The following NRXN1 variants were observed in gnomAD, a reference collection of about 807,000 sequenced individuals.
NRXN1 encodes neurexin-1.
Under a neutral mutation model 150.9 loss-of-function variants are expected in NRXN1, and 39 were observed. The ratio of observed to expected loss-of-function variants is 0.26; its 90% confidence interval spans 0.20 to 0.34. NRXN1 has a LOEUF of 0.34. NRXN1 is among the 10% of genes least tolerant of loss of function. The pLI, the probability that NRXN1 is intolerant of heterozygous loss-of-function variation, is 1.00. For missense variants in NRXN1, 1,815 were observed against 1,949.9 expected (o/e 0.93, Z 1.30); for synonymous variants, 924 against 757.0 (o/e 1.22, Z -3.62).
At chr2:50,315,484 A>G (rs1311175537) in intron 17 of NRXN1, among the ~76,000 whole-genome samples, 1 of 152,150 alleles carries the variant, frequency 6.6e-6, no homozygotes, top group African/African-American at 2.4e-5. Flanking sequence ...AGTTACATGG[A>G]AGATTACACA....
intron 8 of NRXN1, among the ~76,000 whole-genome samples, chr2:50,572,460 A>G (rs1355765844): frequency 2.6e-5 from 4 of 152,202 alleles, no homozygotes; most frequent in Admixed American, 2.6e-4. Context: ...TATTTAGCCC[A>G]TCTAATATAT....
At chr2:50,720,207 T>A (rs929055721) in intron 5 of NRXN1, among the ~76,000 whole-genome samples, 25 of 152,206 alleles carry the variant, frequency 1.6e-4, no homozygotes, top group African/African-American at 5.5e-4. Context: ...TTTTTTTTTT[T>A]AACCACATCT....
intron 5 of NRXN1, among the ~76,000 whole-genome samples, chr2:50,722,497 G>A (rs1696803021): frequency 6.6e-6 from 1 of 152,130 alleles, no homozygotes. Flanking sequence ...TTGGGGATAC[G>A]TTTCATATAC....
intron 18 of NRXN1, among the ~76,000 whole-genome samples, chr2:50,190,795 A>G (rs1559060619): frequency 6.6e-6 from 1 of 151,102 alleles, no homozygotes; most frequent in Non-Finnish European, 1.5e-5. Flanking sequence ...TATTTTTAGT[A>G]GAGACGGGGT....
At chr2:50,083,990 A>G (rs1408982225) in intron 19 of NRXN1, among the ~76,000 whole-genome samples, 1 of 152,150 alleles carries the variant, frequency 6.6e-6, no homozygotes, top group East Asian at 1.9e-4. Context: ...TGGTGTATTC[A>G]CAATCCCTTA....
At chr2:50,302,382 CAATT>C (rs1169124659) in intron 17 of NRXN1, among the ~76,000 whole-genome samples, 1 of 152,086 alleles carries the variant, frequency 6.6e-6, no homozygotes, top group Non-Finnish European at 1.5e-5. Flanking sequence ...ATAATTTAAT[CAATT>C]AATACATAAT....
intron 22 of NRXN1, among the ~76,000 whole-genome samples, chr2:49,933,845 C>CTCAA (rs751195935): frequency 1.3e-5 from 2 of 152,168 alleles, no homozygotes; most frequent in African/African-American, 4.8e-5. Flanking sequence ...CACACAGTGT[C>CTCAA]TCAATCAGCT....
At chr2:50,535,631 G>A (rs977807466) in intron 10 of NRXN1, among the ~76,000 whole-genome samples, 1 of 152,266 alleles carries the variant, frequency 6.6e-6, no homozygotes, top group East Asian at 1.9e-4. Context: ...TAAAGCAGAA[G>A]GGAAGGCGCT....
At chr2:50,705,015 A>G (rs1177352666) in intron 5 of NRXN1, among the ~76,000 whole-genome samples, 1 of 150,384 alleles carries the variant, frequency 6.6e-6, no homozygotes. Flanking sequence ...CTTACGAATA[A>G]AACATTTGTT....
intron 13 of NRXN1, among the ~76,000 whole-genome samples, chr2:50,503,033 C>T (rs1376229500): frequency 6.6e-6 from 1 of 152,028 alleles, no homozygotes; most frequent in African/African-American, 2.4e-5. Flanking sequence ...AAGGGCCAGG[C>T]ACGGTGGCTC....
chr2:50,609,858 T>C (rs956236745), intron 8 of NRXN1, among the ~76,000 whole-genome samples: 35 of 152,094 alleles, frequency 2.3e-4, no homozygotes, highest in African/African-American at 8.2e-4. Context: ...TGGTACATAG[T>C]CCATTGTCAT....
chr2:50,033,459 C>T (rs1380435062), intron 21 of NRXN1, among the ~76,000 whole-genome samples: 1 of 152,070 alleles, frequency 6.6e-6, no homozygotes, highest in Non-Finnish European at 1.5e-5. Flanking sequence ...TTCCTCACAC[C>T]ATATACAAAA....
At chr2:50,376,751 G>T (rs1166949662) in intron 17 of NRXN1, among the ~76,000 whole-genome samples, 4 of 152,104 alleles carry the variant, frequency 2.6e-5, no homozygotes, top group African/African-American at 9.7e-5. Context: ...AGGCTCTGTA[G>T]AGTCAGAGCT....
At chr2:50,738,442 G>A (rs535703026) in intron 5 of NRXN1, among the ~76,000 whole-genome samples, 17 of 152,200 alleles carry the variant, frequency 1.1e-4, no homozygotes, top group Middle Eastern at 6.8e-3. Context: ...AATTTATTCA[G>A]AACTGAAATA....
intron 18 of NRXN1, among the ~76,000 whole-genome samples, chr2:50,121,117 G>A (rs187709214): frequency 4.3e-4 from 66 of 152,244 alleles, no homozygotes; most frequent in East Asian, 2.5e-3. Context: ...CTCTGCCTCC[G>A]GGTTCAAGCG....
chr2:49,927,543 T>C (rs1572884043), intron 22 of NRXN1, among the ~76,000 whole-genome samples: 2 of 152,236 alleles, frequency 1.3e-5, no homozygotes, highest in Non-Finnish European at 2.9e-5. Flanking sequence ...CATTTTTGAA[T>C]GTTAATAAAT....
chr2:50,120,988 C>T (rs1703775283), intron 18 of NRXN1, among the ~76,000 whole-genome samples: 1 of 152,122 alleles, frequency 6.6e-6, no homozygotes, highest in South Asian at 2.1e-4. Flanking sequence ...TTACAATATG[C>T]CAGACAATGT....
chr2:50,688,264 GC>G (rs1309040776), intron 5 of NRXN1, among the ~76,000 whole-genome samples: 2 of 152,086 alleles, frequency 1.3e-5, no homozygotes, highest in African/African-American at 4.8e-5. Context: ...AGTGCTTGTG[GC>G]ATCCTGGGCC....
intron 5 of NRXN1, among the ~76,000 whole-genome samples, chr2:50,654,051 TTAAG>T (rs1686034333): frequency 6.6e-6 from 1 of 151,422 alleles, no homozygotes; most frequent in African/African-American, 2.4e-5. Context: ...TTTTTATACT[TTAAG>T]TTTTAGGGTA....
Sources: gnomAD v4.1 joint callset for allele counts (sites outside exome capture counted in the v4.1 genomes callset) on GRCh38, gnomAD v4.1.1 for gene constraint, MANE v1.5 for transcripts, NCBI Gene and HGNC (gene_info 2026-07-23, HGNC 2026-07-21) for gene names.